The following COBLL1 variants were observed in gnomAD, a reference collection of about 807,000 sequenced individuals.
COBLL1 encodes the protein cordon-bleu protein-like 1.
In COBLL1, 50 loss-of-function variants were observed where a neutral mutation model predicts 94.8. The ratio of observed to expected loss-of-function variants is 0.53; its 90% CI spans 0.42 to 0.67. The LOEUF is 0.67. COBLL1 is among the 30% of genes least tolerant of loss of function. The pLI is 0.00. For missense variants in COBLL1, 1,362 were observed against 1,348.7 expected, an observed-to-expected ratio of 1.01 and a Z score of -0.15; for synonymous variants, 448 against 473.8, an observed-to-expected ratio of 0.95 and a Z score of 0.71.
At chr2:164,817,361 T>TAAAAAAAAAA (rs10599487) in intron 2 of COBLL1, among the ~76,000 whole-genome samples, 7 of 116,432 alleles carry the variant, frequency 6.0e-5, no homozygotes, top group East Asian at 2.4e-4. Context: ...TGGTATATAT[T>TAAAAAAAAAA]AAAAAAAAAA....
At chr2:164,757,707 G>A (rs1373561284) in intron 2 of COBLL1, among the ~76,000 whole-genome samples, 3 of 151,996 alleles carry the variant, frequency 2.0e-5, no homozygotes, top group Non-Finnish European at 4.4e-5. Context: ...AGCTACTTGG[G>A]AGCCTGAGGT....
At chr2:164,679,939 A>T (rs1431066623), downstream of COBLL1, among the ~76,000 whole-genome samples, 2 of 150,292 alleles carry the variant, frequency 1.3e-5, no homozygotes, top group Middle Eastern at 3.5e-3. Flanking sequence ...ATATAAATAT[A>T]AATAATAATA....
rs184169320 is a variant in COBLL1, at chr2:164,744,730, T to C, written c.42-855A>G. Among the ~76,000 whole-genome samples the C allele has an allele frequency of 6.4e-3, 980 of 152,298 alleles. 4 individuals carry two copies. The highest frequency in any genetic ancestry group is 9.6e-3 in the Non-Finnish European group (656 of 68,024). On this transcript the variant is annotated intron_variant, in intron 2 of 13. Transcript: ENST00000652658. ...GCACATAGATGGCTATTTCCCACTGTACCTAGCAATGAACTATGATGGGTT... is the reference window on the plus strand; with the variant it reads ...GCACATAGATGGCTATTTCCCACTGCACCTAGCAATGAACTATGATGGGTT...
chr2:164,806,033 A>G (rs1247900867), intron 2 of COBLL1, among the ~76,000 whole-genome samples: 2 of 152,176 alleles, frequency 1.3e-5, no homozygotes, highest in African/African-American at 2.4e-5. Flanking sequence ...AGGTGTTTAC[A>G]TATTTTCTAT....
rs556721601 is a variant in COBLL1, at chr2:164,686,470, C to T, written c.3301-438G>A. ...TGGTATAAATTAACGTGAAATCCCC[C>T]TCCCAATGGCCCCCTATTTATTCAA... On this transcript the variant is annotated intron_variant, in intron 13 of 13. Transcript: ENST00000652658. Among the ~76,000 whole-genome samples the T allele has an allele frequency of 7.2e-5, 11 of 152,216 alleles. No homozygotes were observed. In the South Asian group the frequency reaches 2.3e-3, roughly 32 times the overall value.
chr2:164,803,567 AAAT>A (rs1320385338), intron 2 of COBLL1, among the ~76,000 whole-genome samples: 5 of 133,746 alleles, frequency 3.7e-5, no homozygotes, highest in South Asian at 2.1e-4. Context: ...TCTGTCTCAA[AAAT>A]AAATAAATAA....
chr2:164,706,864 T>A (rs1684629191), intron 7 of COBLL1, among the ~76,000 whole-genome samples: 1 of 152,100 alleles, frequency 6.6e-6, no homozygotes, highest in African/African-American at 2.4e-5. Context: ...GAAAAAAGGA[T>A]CCTATTAAAA....
chr2:164,705,035 G>T lies in COBLL1; in HGVS notation c.1067C>A (p.Ser356Tyr). Residue 356 changes from serine to tyrosine, a missense_variant, in exon 8 of 14, where the codon TCT becomes TAT. Ser to Tyr is a moderately radical substitution (Grantham distance 144). Coordinates refer to ENST00000652658, the MANE Select transcript of COBLL1 (RefSeq NM_001365672.2). Reference protein sequence around the residue: ...QLSSMSAGNSSLRRTKRKAPS... With the variant: ...QLSSMSAGNSYLRRTKRKAPS... ...TGCTTTTCGCTTTGTCCTTCTCAAA[G>T]ATGAATTCCCTGCAGACATGCTGCT... 6.2e-7 allele frequency: 1 copy of T among 1,603,628 alleles called. No individual in the cohort carries two copies. The highest frequency in any genetic ancestry group is 8.5e-7 in the Non-Finnish European group (1 of 1,175,220).
intron 13 of COBLL1, among the ~76,000 whole-genome samples, chr2:164,689,911 C>A (rs1435195084): frequency 6.6e-6 from 1 of 152,064 alleles, no homozygotes; most frequent in Middle Eastern, 3.2e-3. Flanking sequence ...AAAATAACTG[C>A]CACTTATGCA....
intron 2 of COBLL1, among the ~76,000 whole-genome samples, chr2:164,810,868 C>T (rs555066969): frequency 2.3e-4 from 35 of 152,028 alleles, no homozygotes; most frequent in Admixed American, 5.2e-4. Flanking sequence ...TCAAAACATT[C>T]TTACTGACTT....
Position 164,841,347 on chromosome 2 carries a change from C to T in COBLL1, c.-50-101G>A. 4.2e-6 allele frequency: 5 copies of T among 1,195,762 alleles called. No homozygotes were observed. The highest frequency in any genetic ancestry group is 5.2e-6 in the Non-Finnish European group (5 of 964,996). 74.1% of individuals were successfully genotyped at this position (1,195,762 alleles called of 1,614,324 possible). A position where few individuals can be genotyped will look rare whatever the true frequency, so the allele number is the denominator to read the frequency against. On this transcript the variant is annotated intron_variant, in intron 1 of 13. Coordinates refer to ENST00000652658, the MANE Select transcript of COBLL1 (RefSeq NM_001365672.2). The surrounding 1 kb of genome is among the most constrained non-coding windows in gnomAD (Gnocchi z 5.5). ...AAGAGCCCGCCCGAGCCGCTCCAGC[C>T]CCGGCCGGCCCGCCTCCCGGGTGCG...
At position 164,779,024 on chromosome 2, in the gene COBLL1, C is replaced by A. The variant is rs541772678; in HGVS notation, c.42-35149G>T. 2.0e-5 allele frequency among the ~76,000 whole-genome samples: 3 copies of A among 152,210 alleles called. No homozygotes were observed. The South Asian group carries it at 6.2e-4, about 32-fold the overall frequency. ...AAGACTTCACAGGAAATGAGTCATT[C>A]AGGATTTTTGAATTTGACAGTCATA... On this transcript the variant is annotated intron_variant, in intron 2 of 13. Coordinates refer to ENST00000652658, the MANE Select transcript of COBLL1 (RefSeq NM_001365672.2).
At chr2:164,790,027 T>C (rs1683106138) in intron 2 of COBLL1, among the ~76,000 whole-genome samples, 1 of 152,254 alleles carries the variant, frequency 6.6e-6, no homozygotes, top group Non-Finnish European at 1.5e-5. Context: ...GAAAAATACA[T>C]AACTTCAGAT....
chr2:164,766,838 T>A (rs1687956104), intron 2 of COBLL1, among the ~76,000 whole-genome samples: 1 of 152,124 alleles, frequency 6.6e-6, no homozygotes, highest in Non-Finnish European at 1.5e-5. Flanking sequence ...CAACAGATAT[T>A]CAAGAACCAT....
chr2:164,689,605 C>G (rs1339078501), intron 13 of COBLL1, among the ~76,000 whole-genome samples: 1 of 152,004 alleles, frequency 6.6e-6, no homozygotes, highest in Non-Finnish European at 1.5e-5. Context: ...AAATACGCAG[C>G]CCAGTGAAAA....
Position 164,768,947 on chromosome 2 carries a change from C to T in COBLL1, c.42-25072G>A, listed in dbSNP as rs59442109. ...ATGCAAATGGCTTATTGTAAATGTT[C>T]ACAATTCTTAGTGATTAATTCAGAT... On this transcript the variant is annotated intron_variant, in intron 2 of 13. Coordinates refer to ENST00000652658, the MANE Select transcript of COBLL1 (RefSeq NM_001365672.2). Among the ~76,000 whole-genome samples the T allele has an allele frequency of 1.1e-3, 162 of 152,218 alleles. 4 individuals carry two copies. In the East Asian group the frequency reaches 0.031, roughly 29 times the overall value.
intron 2 of COBLL1, among the ~76,000 whole-genome samples, chr2:164,790,145 G>A (rs1471549838): frequency 6.6e-6 from 1 of 152,140 alleles, no homozygotes. Flanking sequence ...TTGCACTTAC[G>A]CCTCATGTCT....
At chr2:164,689,105 C>T (rs75297654) in intron 13 of COBLL1, among the ~76,000 whole-genome samples, 19,077 of 152,052 alleles carry the variant, frequency 0.13, 1,274 homozygotes, top group African/African-American at 0.16. Flanking sequence ...AGACTAATCT[C>T]TGTGACTACA....
chr2:164,821,917 C>A (rs1191879290), intron 2 of COBLL1, among the ~76,000 whole-genome samples: 2 of 152,172 alleles, frequency 1.3e-5, no homozygotes, highest in Non-Finnish European at 2.9e-5. Flanking sequence ...TGAGCTTAAA[C>A]CAATCTTGTT....
Sources: allele counts gnomAD v4.1 joint callset (sites outside exome capture counted in the v4.1 genomes callset), GRCh38; gene constraint gnomAD v4.1.1; non-coding constraint Gnocchi (gnomAD v3.1); transcripts MANE v1.5; gene names NCBI Gene and HGNC (gene_info 2026-07-23, HGNC 2026-07-21).